Variants in FEZ2 observed in about 807,000 individuals in gnomAD.
FEZ2 encodes the protein fasciculation and elongation protein zeta 2.
In FEZ2, 51 loss-of-function variants were observed where a neutral mutation model predicts 40.4. That is an observed-to-expected ratio of 1.26 (90% CI 1.01 to 1.59). The LOEUF is 1.59. Ranked by LOEUF, FEZ2 falls within the 40% of genes most tolerant of loss-of-function variation. The probability of loss-of-function intolerance (pLI) is 0.00; values close to 1 mark genes in which losing one functional copy is unlikely to be tolerated. For missense variants in FEZ2, 640 were observed against 438.3 expected (o/e 1.46, Z -4.11); for synonymous variants, 242 against 172.0 (o/e 1.41, Z -3.18).
At position 36,554,192 on chromosome 2, in the gene FEZ2, C is replaced by T. The variant is rs192285961; in HGVS notation, c.1046-1013G>A. On this transcript the variant is annotated intron_variant, in intron 7 of 7. Transcript: ENST00000405912. ...TACAGACAGGAGCCAGCGGCCCGAG[C>T]ATGAGGAGCAGAATTAGATGGGTGC... The T allele has an allele frequency of 2.4e-4, 112 of 471,152 alleles. 1 individual carries two copies. Among genetic ancestry groups the T allele is most frequent in the African/African-American group, 2.2e-3 (108 of 50,174 alleles). The allele number at this position is 471,152 out of a possible 1,614,324, so 29.2% of individuals were successfully genotyped here.
chr2:36,589,241 G>C (rs1422919999), intron 2 of FEZ2, among the ~76,000 whole-genome samples: 1 of 152,210 alleles, frequency 6.6e-6, no homozygotes, highest in Non-Finnish European at 1.5e-5. Flanking sequence ...GGTAATTTTA[G>C]AGACAGGGAC....
intron 5 of FEZ2, among the ~76,000 whole-genome samples, chr2:36,566,052 T>C (rs962254778): frequency 6.6e-6 from 1 of 152,240 alleles, no homozygotes; most frequent in African/African-American, 2.4e-5. Context: ...AAATTGGTTC[T>C]ACATCCTTAA....
chr2:36,586,943 C>T (rs1668918526), intron 2 of FEZ2, among the ~76,000 whole-genome samples: 2 of 152,198 alleles, frequency 1.3e-5, no homozygotes, highest in African/African-American at 4.8e-5. Context: ...GAGACACTCT[C>T]TCAATCTATC....
chr2:36,559,284 G>A (rs777407310), intron 5 of FEZ2: 3 of 152,180 alleles, frequency 2.0e-5, no homozygotes, highest in African/African-American at 7.2e-5. Flanking sequence ...ATCCATAAAT[G>A]ATTGTCCAGA....
intron 5 of FEZ2, among the ~76,000 whole-genome samples, chr2:36,565,548 A>AC (rs1668212468): frequency 6.7e-6 from 1 of 149,980 alleles, no homozygotes; most frequent in Non-Finnish European, 1.5e-5. Context: ...GGCACACACC[A>AC]CCCCCTCTGC....
chr2:36,598,006 C>T lies in FEZ2; in HGVS notation c.137G>A (p.Gly46Asp). ...CAAGCTGCAGGCCGGGGCCGGGAAA[C>T]CGTCGGCGCCCCCACCCGCCTCGGC... ...AGAEAGGGADGFPAPACSLEE... is the reference protein window; with the variant it reads ...AGAEAGGGADDFPAPACSLEE... The change falls in exon 1 of 8, where the codon GGT becomes GAT. Residue 46 changes from glycine to aspartate, a missense_variant. By Grantham distance (94) the Gly-to-Asp change is moderately conservative. Transcript: ENST00000405912. 2.0e-6 allele frequency: 3 copies of T among 1,495,290 alleles called. No individual in the cohort carries two copies. The highest frequency in any genetic ancestry group is 1.5e-5 in the African/African-American group (1 of 68,956). The allele number at this position is 1,495,290 out of a possible 1,614,324, so 92.6% of individuals were successfully genotyped here.
intron 5 of FEZ2, among the ~76,000 whole-genome samples, chr2:36,574,478 A>G (rs1441846754): frequency 6.6e-6 from 1 of 151,482 alleles, no homozygotes; most frequent in Non-Finnish European, 1.5e-5. Flanking sequence ...GATAGGCATG[A>G]AAACAAAAAA....
At position 36,594,195 on chromosome 2, in the gene FEZ2, G is replaced by C. The variant is rs150538037; in HGVS notation, c.267-3184C>G. Among the ~76,000 whole-genome samples, 1,159 of 152,126 alleles carry C rather than the reference G, an allele frequency of 7.6e-3. 13 individuals carry two copies. Among genetic ancestry groups the C allele is most frequent in the Middle Eastern group, 0.054 (16 of 294 alleles). On this transcript the variant is annotated intron_variant, in intron 1 of 7. Coordinates refer to ENST00000405912, the MANE Select transcript of FEZ2 (RefSeq NM_005102.3). Reference sequence around the variant, plus strand: ...GGGAAAGCCATTCAACAAGTCTCTAGGAAGTTCCAAACTTTCCCACATTTT... The same window carrying C: ...GGGAAAGCCATTCAACAAGTCTCTACGAAGTTCCAAACTTTCCCACATTTT...
rs542957341 is a variant in FEZ2, at chr2:36,563,027, C to T, written c.904-4514G>A. 3.3e-5 allele frequency among the ~76,000 whole-genome samples: 5 copies of T among 152,298 alleles called. No homozygotes were observed. The South Asian group carries it at 6.2e-4, about 19-fold the overall frequency. ...CTATTTGGAAAGCACATTCCAAAAA[C>T]ACTAGCTTTGTTTTCGCAATCAGAA... On this transcript the variant is annotated intron_variant, in intron 5 of 7. Coordinates refer to ENST00000405912, the MANE Select transcript of FEZ2 (RefSeq NM_005102.3).
At chr2:36,585,133 G>A (rs772235541) in intron 2 of FEZ2, among the ~76,000 whole-genome samples, 11 of 152,076 alleles carry the variant, frequency 7.2e-5, no homozygotes, top group Non-Finnish European at 1.3e-4. Flanking sequence ...AAAGGATCAG[G>A]AATCAAAATG....
intron 2 of FEZ2, among the ~76,000 whole-genome samples, chr2:36,587,111 A>C (rs1243876561): frequency 1.3e-5 from 2 of 152,264 alleles, no homozygotes; most frequent in Non-Finnish European, 2.9e-5. Context: ...AATGATAAGC[A>C]TTCTATCATA....
Position 36,583,550 on chromosome 2 carries a change from A to T in FEZ2, c.376-81T>A, listed in dbSNP as rs1312093199. 6.7e-6 allele frequency: 5 copies of T among 750,116 alleles called. No individual in the cohort carries two copies. In the East Asian group the frequency reaches 1.2e-4, roughly 19 times the overall value. 46.5% of individuals were successfully genotyped at this position (750,116 alleles called of 1,614,324 possible). Reference sequence around the variant, plus strand: ...AACAGCTCTGAGTAAAAGAGGCTGCAGAGAAAAGCAACTACTAAGAGCCTT... The same window carrying T: ...AACAGCTCTGAGTAAAAGAGGCTGCTGAGAAAAGCAACTACTAAGAGCCTT... On this transcript the variant is annotated intron_variant, in intron 2 of 7. Transcript: ENST00000405912.
intron 5 of FEZ2, among the ~76,000 whole-genome samples, chr2:36,575,192 C>G (rs781760883): frequency 7.2e-5 from 11 of 152,142 alleles, no homozygotes; most frequent in Non-Finnish European, 1.3e-4. Flanking sequence ...CTATTCACCA[C>G]TGTGGTTTTT....
chr2:36,572,284 G>C (rs1379914089), intron 5 of FEZ2, among the ~76,000 whole-genome samples: 1 of 152,162 alleles, frequency 6.6e-6, no homozygotes, highest in African/African-American at 2.4e-5. Context: ...GGCTGGCCAA[G>C]GTGTCACTAT....
intron 5 of FEZ2, among the ~76,000 whole-genome samples, chr2:36,577,573 G>C (rs1668611556): frequency 1.3e-5 from 2 of 152,144 alleles, no homozygotes; most frequent in South Asian, 4.1e-4. Flanking sequence ...TTTCAAAATA[G>C]ATACAAATGA....
At chr2:36,591,039 G>T (rs768063711) in intron 1 of FEZ2, 28 bp from the exon 2 acceptor site, 3 of 1,323,210 alleles carry the variant, frequency 2.3e-6, no homozygotes, top group South Asian at 2.4e-5. Context: ...TACAATCAAT[G>T]AAAATTAACA....
chr2:36,598,102 T>C lies in FEZ2; in HGVS notation c.41A>G (p.Gln14Arg), dbSNP rs1211322102. ...GTCCAGGAGGCTCCGGGCCGGCTCC[T>C]GGAACTCATAGAAATCCTGCCAGTC... Reference protein sequence around the residue: ...DGDWQDFYEFQEPARSLLDQE... With the variant: ...DGDWQDFYEFREPARSLLDQE... Residue 14 changes from glutamine (Q) to arginine (R), a missense_variant, in exon 1 of 8, where the codon CAG (glutamine) becomes CGG (arginine). Physicochemically the swap from Gln to Arg is conservative, Grantham distance 43 (BLOSUM62 1). Coordinates refer to ENST00000405912, the MANE Select transcript of FEZ2 (RefSeq NM_005102.3). 16 of 1,484,600 alleles carry C rather than the reference T, an allele frequency of 1.1e-5. No homozygotes were observed. The highest frequency in any genetic ancestry group is 1.5e-5 in the African/African-American group (1 of 64,890). 92.0% of individuals were successfully genotyped at this position (1,484,600 alleles called of 1,614,324 possible).
chr2:36,593,469 G>C (rs1039144731), intron 1 of FEZ2, among the ~76,000 whole-genome samples: 2 of 152,098 alleles, frequency 1.3e-5, no homozygotes, highest in Non-Finnish European at 2.9e-5. Flanking sequence ...GAATCTAGAA[G>C]GAGGTTCCCA....
chr2:36,563,071 G>GA (rs1026018268), intron 5 of FEZ2, among the ~76,000 whole-genome samples: 1 of 152,166 alleles, frequency 6.6e-6, no homozygotes, highest in Admixed American at 6.5e-5. Flanking sequence ...CCTGTCACTA[G>GA]AAAAAACAAA....
Sources: allele counts gnomAD v4.1 joint callset (sites outside exome capture counted in the v4.1 genomes callset), GRCh38; gene constraint gnomAD v4.1.1; transcripts MANE v1.5; gene names NCBI Gene and HGNC (gene_info 2026-07-23, HGNC 2026-07-21).